ATRNL1: variants seen among roughly 807,000 people sequenced by gnomAD.
ATRNL1 encodes the protein attractin-like protein 1.
A neutral mutation model predicts 182.7 loss-of-function variants in ATRNL1; 95 were observed. That is an observed-to-expected ratio of 0.52 (90% CI 0.44 to 0.62). The LOEUF (loss-of-function observed/expected upper bound fraction) is 0.62. ATRNL1 is among the 20% of genes least tolerant of loss of function. The pLI, the probability that ATRNL1 is intolerant of heterozygous loss-of-function variation, is 0.00. For synonymous variants in ATRNL1, 576 were observed against 568.3 expected (o/e 1.01, Z -0.19); for missense variants, 1,471 against 1,679.5 (o/e 0.88, Z 2.17).
chr10:115,489,864 A>G (rs1033870740), intron 24 of ATRNL1, among the ~76,000 whole-genome samples: 13 of 152,150 alleles, frequency 8.5e-5, no homozygotes, highest in African/African-American at 2.7e-4. Context: ...GGCCGGTACC[A>G]GTCATTCCTT....
chr10:115,833,842 T>A (rs1950610255), intron 27 of ATRNL1, among the ~76,000 whole-genome samples: 1 of 152,228 alleles, frequency 6.6e-6, no homozygotes, highest in African/African-American at 2.4e-5. Context: ...CTAATTCTTT[T>A]GAATTCTAAT....
intron 9 of ATRNL1, among the ~76,000 whole-genome samples, chr10:115,239,085 T>C (rs1850302616): frequency 6.6e-6 from 1 of 152,178 alleles, no homozygotes; most frequent in Non-Finnish European, 1.5e-5. Flanking sequence ...CACCTTCTTC[T>C]TCATTATATT....
At chr10:115,098,612 C>T (rs1362541385) in intron 1 of ATRNL1, among the ~76,000 whole-genome samples, 1 of 151,828 alleles carries the variant, frequency 6.6e-6, no homozygotes, top group Non-Finnish European at 1.5e-5. Flanking sequence ...CAGGCGCCCG[C>T]CACTACGCCC....
chr10:115,859,032 A>G (rs1423098023), intron 28 of ATRNL1, among the ~76,000 whole-genome samples: 2 of 152,138 alleles, frequency 1.3e-5, no homozygotes, highest in Admixed American at 6.5e-5. Flanking sequence ...ATGATCACCT[A>G]TAGCTGTATC....
At chr10:115,182,275 C>A (rs1554887959) in intron 8 of ATRNL1, among the ~76,000 whole-genome samples, 1 of 151,306 alleles carries the variant, frequency 6.6e-6, no homozygotes, top group African/African-American at 2.4e-5. Context: ...TCTAGGTATA[C>A]TGAGGATTAA....
At chr10:115,895,522 C>G (rs1952184548) in intron 28 of ATRNL1, among the ~76,000 whole-genome samples, 1 of 152,182 alleles carries the variant, frequency 6.6e-6, no homozygotes, top group Admixed American at 6.5e-5. Flanking sequence ...TCTGACAAAC[C>G]CTCAGTGAAA....
At chr10:115,118,791 G>A (rs1263601692) in intron 1 of ATRNL1, among the ~76,000 whole-genome samples, 1 of 152,008 alleles carries the variant, frequency 6.6e-6, no homozygotes, top group Non-Finnish European at 1.5e-5. Context: ...TGCAACTTCT[G>A]GATCTTGGCT....
At chr10:115,264,146 G>T (rs1014178206) in intron 10 of ATRNL1, among the ~76,000 whole-genome samples, 1 of 150,782 alleles carries the variant, frequency 6.6e-6, no homozygotes, top group Non-Finnish European at 1.5e-5. Flanking sequence ...CGTTTGTTAC[G>T]TATGTATACA....
intron 24 of ATRNL1, among the ~76,000 whole-genome samples, chr10:115,509,660 A>C (rs1211436226): frequency 6.6e-6 from 1 of 151,958 alleles, no homozygotes; most frequent in Non-Finnish European, 1.5e-5. Context: ...TGGGTCTATG[A>C]GCCAATTAAG....
intron 25 of ATRNL1, among the ~76,000 whole-genome samples, chr10:115,543,762 T>A (rs1852491349): frequency 6.6e-6 from 1 of 152,186 alleles, no homozygotes. Flanking sequence ...TCCATTTTTT[T>A]ACATTAAGAA....
intron 17 of ATRNL1, among the ~76,000 whole-genome samples, chr10:115,309,313 T>A (rs146190517): frequency 3.0e-4 from 45 of 152,188 alleles, no homozygotes; most frequent in Non-Finnish European, 2.9e-5. Flanking sequence ...CTGTGAGAAG[T>A]GATGTTGGTG....
chr10:115,777,858 A>C (rs1949166361), intron 27 of ATRNL1, among the ~76,000 whole-genome samples: 1 of 152,222 alleles, frequency 6.6e-6, no homozygotes, highest in African/African-American at 2.4e-5. Context: ...TTAAGAATCA[A>C]GTGAATAATA....
At chr10:115,728,143 A>C (rs1367226957) in intron 27 of ATRNL1, among the ~76,000 whole-genome samples, 7 of 146,542 alleles carry the variant, frequency 4.8e-5, no homozygotes, top group Non-Finnish European at 1.0e-4. Context: ...AAAAAAAAAA[A>C]AATTAGCCGG....
At chr10:115,681,555 G>A (rs962748389) in intron 26 of ATRNL1, among the ~76,000 whole-genome samples, 8 of 152,014 alleles carry the variant, frequency 5.3e-5, no homozygotes, top group Non-Finnish European at 1.0e-4. Flanking sequence ...CTGTATACTA[G>A]TATCCTTCCG....
At chr10:115,690,157 C>T (rs1946344204) in intron 26 of ATRNL1, among the ~76,000 whole-genome samples, 1 of 152,076 alleles carries the variant, frequency 6.6e-6, no homozygotes. Flanking sequence ...TTCCTTTGTC[C>T]CACGGATGGT....
chr10:115,298,357 A>G lies in ATRNL1; in HGVS notation c.2416-1677A>G, dbSNP rs200525007. Among the ~76,000 whole-genome samples, 17 of 152,298 alleles carry G rather than the reference A, an allele frequency of 1.1e-4. No individual in the cohort carries two copies. In the East Asian group the frequency reaches 3.3e-3, roughly 29 times the overall value. On this transcript the variant is annotated intron_variant, in intron 15 of 28. Transcript: ENST00000355044. ...ACATAAGATAATGAACTGCCTGTCC[A>G]GTTCATTTACTGAGTAATAGTTACT...
chr10:115,529,219 G>A (rs1851421363), intron 25 of ATRNL1, among the ~76,000 whole-genome samples: 1 of 151,618 alleles, frequency 6.6e-6, no homozygotes, highest in Admixed American at 6.6e-5. Flanking sequence ...TTGAATTATT[G>A]TTTTAATCAT....
chr10:115,601,837 G>A (rs1555015999), intron 26 of ATRNL1, among the ~76,000 whole-genome samples: 1 of 151,888 alleles, frequency 6.6e-6, no homozygotes, highest in African/African-American at 2.4e-5. Context: ...ATTTCTAATT[G>A]CAGTGTTTAG....
At chr10:115,587,039 G>C (rs1410638268) in intron 26 of ATRNL1, among the ~76,000 whole-genome samples, 3 of 149,106 alleles carry the variant, frequency 2.0e-5, no homozygotes, top group African/African-American at 7.3e-5. Flanking sequence ...TGCCCCTACT[G>C]GGGGGTGCCT....
Sources: gnomAD v4.1 joint callset for allele counts (sites outside exome capture counted in the v4.1 genomes callset) on GRCh38, gnomAD v4.1.1 for gene constraint, MANE v1.5 for transcripts, NCBI Gene and HGNC (gene_info 2026-07-23, HGNC 2026-07-21) for gene names.